The following TRIOBP variants were observed in gnomAD, a reference collection of about 807,000 sequenced individuals.
TRIOBP encodes the protein TRIO and F-actin binding protein.
A neutral mutation model predicts 238.8 loss-of-function variants in TRIOBP; 169 were observed. That is an observed-to-expected ratio of 0.71 (90% CI 0.62 to 0.80). The LOEUF is 0.80. TRIOBP is among the 30% of genes least tolerant of loss of function. The probability of loss-of-function intolerance (pLI) is 0.00; values close to 1 mark genes in which losing one functional copy is unlikely to be tolerated. For synonymous variants in TRIOBP, 1,150 were observed against 1,274.4 expected (o/e 0.90, Z 2.08); for missense variants, 2,838 against 3,122.6 (o/e 0.91, Z 2.17).
At position 37,740,830 on chromosome 22, in the gene TRIOBP, T is replaced by C. The variant is rs1182603625; in HGVS notation, c.5185-65T>C. 28 of 1,549,994 alleles carry C rather than the reference T, an allele frequency of 1.8e-5. No individual in the cohort carries two copies. In the Admixed American group the frequency reaches 4.9e-4, roughly 27 times the overall value. ...GCACCACAGAATGGGCAGGGGAGGC[T>C]GTAGCCAGGGGTGCCCCCATCCTGC... On this transcript the variant is annotated intron_variant, in intron 10 of 23. Transcript: ENST00000644935.
chr22:37,701,484 G>C lies in TRIOBP; in HGVS notation c.114+5G>C. On this transcript the variant is annotated splice_donor_5th_base_variant and intron_variant, in intron 3 of 23. Coordinates refer to ENST00000644935, the MANE Select transcript of TRIOBP (RefSeq NM_001039141.3). ...GCCCATGGAGCAAGATACCAGGTGG[G>C]CCAGTTTTCCACGTGGTTGGGGTGG... The C allele has an allele frequency of 6.2e-7, 1 of 1,603,936 alleles. No homozygotes were observed. The highest frequency in any genetic ancestry group is 8.5e-7 in the Non-Finnish European group (1 of 1,174,510).
rs1345678165 is a variant in TRIOBP, at chr22:37,743,849, GGTGTGTGTGAGTGTGTGCTGGGT to G, written c.5322+2827_5322+2849del. On this transcript the variant is annotated intron_variant, in intron 11 of 23. Coordinates refer to ENST00000644935, the MANE Select transcript of TRIOBP (RefSeq NM_001039141.3). The stretch of plus-strand genomic sequence containing the variant: ...TGTGTGTGTGTGTGTGTGTGTGCTG[GGTGTGTGTGAGTGTGTGCTGGGT>G]GTGTGTGTGTGTGTGTGCTGGGGTA... Among the ~76,000 whole-genome samples the G allele has an allele frequency of 2.8e-4, 27 of 97,776 alleles. 1 individual carries two copies. The highest frequency in any genetic ancestry group is 8.6e-4 in the African/African-American group (19 of 22,078). The allele number at this position is 97,776 out of a possible 152,430, so 64.1% of individuals were successfully genotyped here. A position where few individuals can be genotyped will look rare whatever the true frequency, so the allele number is the denominator to read the frequency against.
intron 11 of TRIOBP, chr22:37,746,342 C>T: frequency 8.5e-7 from 1 of 1,172,338 alleles, no homozygotes. Context: ...GCGGGGTTCC[C>T]GCGCCGCGGA....
intron 2 of TRIOBP, among the ~76,000 whole-genome samples, chr22:37,698,430 T>C: frequency 7.9e-6 from 1 of 126,842 alleles, no homozygotes; most frequent in East Asian, 2.8e-4. Flanking sequence ...TTAGCTCCAC[T>C]GCAACCTCCA....
chr22:37,751,011 G>T lies in TRIOBP; in HGVS notation c.5323-761G>T, dbSNP rs191602285. 414 of 375,170 alleles carry T rather than the reference G, an allele frequency of 1.1e-3. 11 individuals are homozygous for T. In the East Asian group the frequency reaches 0.029, roughly 27 times the overall value. 23.2% of individuals were successfully genotyped at this position (375,170 alleles called of 1,614,324 possible). On this transcript the variant is annotated intron_variant, in intron 11 of 23. Transcript: ENST00000644935. ...AGGGACCGGGACTTAGATGAGAGAGGTCTCCCCAGCAGGAAGGGAGGGTCT... is the reference window on the plus strand; with the variant it reads ...AGGGACCGGGACTTAGATGAGAGAGTTCTCCCCAGCAGGAAGGGAGGGTCT...
chr22:37,724,670 A>T lies in TRIOBP; in HGVS notation c.2114A>T (p.Asp705Val). The part of the protein sequence containing the change: ...NPRTSCAQRD[D>V]PRASSPNRTT... ...AGAACATCCTGTGCCCAACGGGACG[A>T]TCCCAGAGCCTCCTCTCCTAACAGA... The change falls in exon 7 of 24, where the codon GAT becomes GTT. Residue 705 changes from aspartate (D) to valine (V), a missense_variant. Asp to Val is a radical substitution (Grantham distance 152). Around this residue, in one of 5 missense-constraint regions of TRIOBP, gnomAD observed 167 missense variants for 200.2 expected, o/e 0.83. Coordinates refer to ENST00000644935, the MANE Select transcript of TRIOBP (RefSeq NM_001039141.3). 1 of 1,609,380 alleles carries T rather than the reference A, an allele frequency of 6.2e-7. No individual in the cohort carries two copies. The highest frequency in any genetic ancestry group is 8.5e-7 in the Non-Finnish European group (1 of 1,177,836).
chr22:37,769,412 T>C, intron 21 of TRIOBP, 37 bp downstream of exon 21: 3 of 1,540,152 alleles, frequency 1.9e-6, no homozygotes, highest in Non-Finnish European at 2.6e-6. Flanking sequence ...GCCCAGTGGT[T>C]CTCGGGGCCC....
At chr22:37,709,958 C>T (rs1423082996) in intron 3 of TRIOBP, among the ~76,000 whole-genome samples, 3 of 152,224 alleles carry the variant, frequency 2.0e-5, no homozygotes, top group Admixed American at 2.0e-4. Flanking sequence ...TCTCAGCCAG[C>T]CTAATCCTTC....
At chr22:37,752,538 C>T (rs148506483) in intron 12 of TRIOBP, among the ~76,000 whole-genome samples, 2 of 152,338 alleles carry the variant, frequency 1.3e-5, no homozygotes, top group Non-Finnish European at 2.9e-5. Context: ...GCCCTGCATG[C>T]GCCTGCTGCT....
intron 11 of TRIOBP, among the ~76,000 whole-genome samples, chr22:37,750,181 C>T (rs979576727): frequency 2.0e-5 from 3 of 152,236 alleles, no homozygotes; most frequent in Admixed American, 6.5e-5. Flanking sequence ...AGGAAGGTCA[C>T]AGTGACTCCA....
At chr22:37,738,320 G>A (rs1018053450) in intron 9 of TRIOBP, among the ~76,000 whole-genome samples, 20 of 152,200 alleles carry the variant, frequency 1.3e-4, no homozygotes, top group African/African-American at 4.8e-4. Flanking sequence ...ATGGGTGGAT[G>A]AATGTCAGAT....
At chr22:37,698,354 CTTTTTTTTTTT>C (rs1175913171) in intron 2 of TRIOBP, among the ~76,000 whole-genome samples, 2 of 57,930 alleles carry the variant, frequency 3.5e-5, no homozygotes, top group Non-Finnish European at 5.9e-5. Flanking sequence ...CTGCAAGAGC[CTTTTTTTTTTT>C]TTTTTTTTTT....
At chr22:37,698,027 G>T (rs771959299) in intron 2 of TRIOBP, among the ~76,000 whole-genome samples, 3 of 151,552 alleles carry the variant, frequency 2.0e-5, no homozygotes, top group Admixed American at 2.0e-4. Flanking sequence ...GTGAAACCTC[G>T]TCTCTACCAA....
At chr22:37,765,876 T>C (rs1431248066) in intron 18 of TRIOBP, 59 bp downstream of exon 18, 2 of 1,529,990 alleles carry the variant, frequency 1.3e-6, no homozygotes, top group African/African-American at 2.7e-5. Context: ...CTGAGGTTCC[T>C]CCTAGCCAAA....
chr22:37,719,850 C>T (rs1923727468), intron 6 of TRIOBP, among the ~76,000 whole-genome samples: 1 of 148,970 alleles, frequency 6.7e-6, no homozygotes, highest in Non-Finnish European at 1.5e-5. Context: ...GCTTTCGGTA[C>T]TGTCTGGGAA....
At chr22:37,755,368 C>T (rs986989416) in intron 14 of TRIOBP, 178 bp downstream of exon 14, 6 of 907,320 alleles carry the variant, frequency 6.6e-6, no homozygotes, top group African/African-American at 1.6e-5. Flanking sequence ...CTGGGGGAGA[C>T]GCTGGAGCCA....
intron 23 of TRIOBP, 66 bp downstream of exon 23, chr22:37,772,830 C>A: frequency 6.3e-7 from 1 of 1,575,436 alleles, no homozygotes. Context: ...CCCGGGACTC[C>A]CTGGACCACC....
chr22:37,702,045 G>A (rs1204054322), intron 3 of TRIOBP, among the ~76,000 whole-genome samples: 3 of 152,060 alleles, frequency 2.0e-5, no homozygotes, highest in African/African-American at 4.8e-5. Flanking sequence ...GGAGATTGTG[G>A]TGAGCCGAGA....
At position 37,738,725 on chromosome 22, in the gene TRIOBP, T is replaced by C; in HGVS notation, c.5184+6T>C. 3 of 1,613,652 alleles carry C rather than the reference T, an allele frequency of 1.9e-6. No homozygotes were observed. Among genetic ancestry groups the C allele is most frequent in the Non-Finnish European group, 2.5e-6 (3 of 1,179,824 alleles). Reference sequence around the variant, plus strand: ...ACCAGAAGCAGGCAGACTCGGTAGCTGGGTCATGGGTGTGGGTACATACGG... The same window carrying C: ...ACCAGAAGCAGGCAGACTCGGTAGCCGGGTCATGGGTGTGGGTACATACGG... On this transcript the variant is annotated splice_donor_region_variant and intron_variant, in intron 10 of 23. Coordinates refer to ENST00000644935, the MANE Select transcript of TRIOBP (RefSeq NM_001039141.3).
Sources: allele counts gnomAD v4.1 joint callset (sites outside exome capture counted in the v4.1 genomes callset), GRCh38; gene constraint gnomAD v4.1.1; regional missense constraint gnomAD v4.1.1; transcripts MANE v1.5; gene names NCBI Gene and HGNC (gene_info 2026-07-23, HGNC 2026-07-21).